Variants in XRCC2 observed in about 807,000 individuals in gnomAD.
The protein encoded by XRCC2 is DNA repair protein XRCC2.
Under a neutral mutation model 27.3 loss-of-function variants are expected in XRCC2, and 24 were observed. The observed-to-expected ratio is 0.88, with a 90% confidence interval of 0.64 to 1.24. The LOEUF (loss-of-function observed/expected upper bound fraction) is 1.24. XRCC2 is among the 50% of genes most tolerant of loss of function. XRCC2 has a pLI of 0.00. For missense variants in XRCC2, 321 were observed against 325.8 expected (o/e 0.99, Z 0.11); for synonymous variants, 106 against 115.4 (o/e 0.92, Z 0.52).
In XRCC2 at chr7:152,649,133, C is replaced by T. The variant is rs2098027421; in HGVS notation, c.352G>A (p.Val118Met). The T allele has an allele frequency of 1.2e-6, 2 of 1,612,786 alleles. No homozygotes were observed. The highest frequency in any genetic ancestry group is 1.7e-5 in the Admixed American group (1 of 59,746). Residue 118 changes from valine to methionine, a missense_variant, in exon 3 of 3, where the codon GTG (valine) becomes ATG (methionine). By Grantham distance (21) the Val-to-Met change is conservative (BLOSUM62 1). Coordinates refer to ENST00000359321, the MANE Select transcript of XRCC2 (RefSeq NM_005431.2). Reference sequence around the variant, plus strand: ...AAGTGGGTGCTACTACTGCAGTACACCAAAAAAAATCTTCCCAGGCAGTAT... The same window carrying T: ...AAGTGGGTGCTACTACTGCAGTACATCAAAAAAAATCTTCCCAGGCAGTAT... ...IKYCLGRFFLVYCSSSTHLLL... is the reference protein window; with the variant it reads ...IKYCLGRFFLMYCSSSTHLLL...
intron 1 of XRCC2, 107 bp from the exon 2 acceptor site, chr7:152,660,889 C>G: frequency 1.0e-6 from 1 of 985,584 alleles, no homozygotes; most frequent in Non-Finnish European, 1.5e-6. Flanking sequence ...TAACTTTAGG[C>G]TGGGTGCTGT....
chr7:152,662,795 G>T (rs1011665576), intron 1 of XRCC2, among the ~76,000 whole-genome samples: 1 of 150,908 alleles, frequency 6.6e-6, no homozygotes, highest in Non-Finnish European at 1.5e-5. Context: ...GGATGGTCTC[G>T]ATCTCCTGAC....
chr7:152,663,471 C>T (rs2098034243), intron 1 of XRCC2, among the ~76,000 whole-genome samples: 1 of 151,290 alleles, frequency 6.6e-6, no homozygotes, highest in Non-Finnish European at 1.5e-5. Flanking sequence ...TTTAACCTTG[C>T]CCAAAGGGAG....
At chr7:152,662,073 T>C (rs1281004084) in intron 1 of XRCC2, among the ~76,000 whole-genome samples, 2 of 152,164 alleles carry the variant, frequency 1.3e-5, no homozygotes, top group Non-Finnish European at 2.9e-5. Flanking sequence ...CAAGTGATTC[T>C]CCTGCCTCAG....
intron 1 of XRCC2, among the ~76,000 whole-genome samples, chr7:152,663,346 T>TAAAAAAAAAAAAAAAAAAAAAAAAAAAAA (rs530664762): frequency 9.9e-5 from 8 of 80,898 alleles, no homozygotes; most frequent in Non-Finnish European, 1.7e-4. Context: ...GTCTTTGAAG[T>TAAAAAAAAAAAAAAAAAAAAAAAAAAAAA]AAAAAAAAAA....
chr7:152,671,370 C>T (rs974983017), intron 1 of XRCC2, among the ~76,000 whole-genome samples: 1 of 152,134 alleles, frequency 6.6e-6, no homozygotes, highest in Admixed American at 6.6e-5. Context: ...CCCTCATATA[C>T]TTTAATATGT....
Position 152,668,965 on chromosome 7 carries a change from T to C in XRCC2, c.39+7076A>G, listed in dbSNP as rs1038374324. ...ACTAGTAAATGTCAGGGCCAGGATTTAATCAAGATCTCTGTGATTCTCAAA... is the reference window on the plus strand; with the variant it reads ...ACTAGTAAATGTCAGGGCCAGGATTCAATCAAGATCTCTGTGATTCTCAAA... On this transcript the variant is annotated intron_variant, in intron 1 of 2. Coordinates refer to ENST00000359321, the MANE Select transcript of XRCC2 (RefSeq NM_005431.2). Among the ~76,000 whole-genome samples the C allele has an allele frequency of 2.0e-5, 3 of 152,224 alleles. No homozygotes were observed. In the East Asian group the frequency reaches 5.8e-4, roughly 29 times the overall value.
At chr7:152,652,291 G>A (rs182179054) in intron 2 of XRCC2, among the ~76,000 whole-genome samples, 63 of 151,976 alleles carry the variant, frequency 4.1e-4, no homozygotes, top group Non-Finnish European at 7.4e-4. Context: ...CAGATGTTCA[G>A]TGTGCCCTCT....
In XRCC2 at chr7:152,648,662, T is replaced by C. The variant is rs1563025821; in HGVS notation, c.823A>G (p.Ser275Gly). 4 of 1,604,646 alleles carry C rather than the reference T, an allele frequency of 2.5e-6. No individual in the cohort carries two copies. The change falls in exon 3 of 3, where the codon AGT becomes GGT. Residue 275 changes from serine to glycine, a missense_variant. Transcript: ENST00000359321. The part of the protein sequence containing the change: ...LKKHFFIIGE[S>G]GVEFC ...GTATATCAACAAAATTCAACCCCAC[T>C]TTCTCCAATAATAAAAAAATGTTTT...
chr7:152,645,007 G>A lies in XRCC2; in HGVS notation c.*3635C>T, dbSNP rs1203287047. On this transcript the variant is annotated 3_prime_UTR_variant, in exon 3 of 3. Coordinates refer to ENST00000359321, the MANE Select transcript of XRCC2 (RefSeq NM_005431.2). Reference sequence around the variant, plus strand: ...CTGTTTAGAAATAACTCCAAGAATAGTTTTTATATTTTATTTTCACATTGA... The same window carrying A: ...CTGTTTAGAAATAACTCCAAGAATAATTTTTATATTTTATTTTCACATTGA... 1 of 152,152 alleles carries A rather than the reference G, an allele frequency of 6.6e-6. No homozygotes were observed. Among genetic ancestry groups the A allele is most frequent in the Non-Finnish European group, 1.5e-5 (1 of 68,032 alleles). The allele number at this position is 152,152 out of a possible 1,614,324, so 9.4% of individuals were successfully genotyped here.
At chr7:152,662,805 C>T (rs1287485683) in intron 1 of XRCC2, among the ~76,000 whole-genome samples, 1 of 151,194 alleles carries the variant, frequency 6.6e-6, no homozygotes, top group Non-Finnish European at 1.5e-5. Context: ...GATCTCCTGA[C>T]CTCGTGATCC....
chr7:152,668,360 T>C (rs1414311396), intron 1 of XRCC2, among the ~76,000 whole-genome samples: 1 of 152,102 alleles, frequency 6.6e-6, no homozygotes, highest in East Asian at 1.9e-4. Context: ...TCAGCATCCA[T>C]TGGGGGTCTT....
At chr7:152,658,434 G>A (rs900222904) in intron 2 of XRCC2, among the ~76,000 whole-genome samples, 2 of 152,196 alleles carry the variant, frequency 1.3e-5, no homozygotes, top group Non-Finnish European at 2.9e-5. Context: ...TTACAGGTGT[G>A]AGCCACCGTG....
intron 1 of XRCC2, among the ~76,000 whole-genome samples, chr7:152,663,562 G>A (rs1159900533): frequency 1.3e-5 from 2 of 152,108 alleles, no homozygotes; most frequent in Non-Finnish European, 2.9e-5. Flanking sequence ...CTTTGGGCCG[G>A]GCACAGTGGC....
chr7:152,659,467 G>A (rs555329204), intron 2 of XRCC2, among the ~76,000 whole-genome samples: 2 of 152,168 alleles, frequency 1.3e-5, no homozygotes, highest in African/African-American at 4.8e-5. Context: ...CACTGCGCTC[G>A]GCTATAACCT....
In XRCC2 at chr7:152,660,709, G is replaced by A; in HGVS notation, c.113C>T (p.Pro38Leu). Reference protein sequence around the residue: ...EPNLFADEDSPVHGDILEFHG... With the variant: ...EPNLFADEDSLVHGDILEFHG... ...AAGGTTGTATTTTTTACCATGCACAGGTGAATCTTCATCAGCAAACAGATT... is the reference window on the plus strand; with the variant it reads ...AAGGTTGTATTTTTTACCATGCACAAGTGAATCTTCATCAGCAAACAGATT... Residue 38 changes from proline (P) to leucine (L), a missense_variant, in exon 2 of 3, where the codon CCT becomes CTT. Coordinates refer to ENST00000359321, the MANE Select transcript of XRCC2 (RefSeq NM_005431.2). 2 of 1,612,600 alleles carry A rather than the reference G, an allele frequency of 1.2e-6. No individual in the cohort carries two copies. Among genetic ancestry groups the A allele is most frequent in the Admixed American group, 1.7e-5 (1 of 59,814 alleles).
chr7:152,651,982 A>G (rs2098028713), intron 2 of XRCC2, among the ~76,000 whole-genome samples: 1 of 151,882 alleles, frequency 6.6e-6, no homozygotes, highest in Non-Finnish European at 1.5e-5. Context: ...CCTGGGCAAC[A>G]TAGGGAGACC....
chr7:152,654,435 C>A (rs2098029894), intron 2 of XRCC2, among the ~76,000 whole-genome samples: 1 of 152,008 alleles, frequency 6.6e-6, no homozygotes, highest in Non-Finnish European at 1.5e-5. Flanking sequence ...AAAAACATTA[C>A]AGGGCAAAAG....
At chr7:152,667,361 C>T (rs1590137036) in intron 1 of XRCC2, among the ~76,000 whole-genome samples, 3 of 136,436 alleles carry the variant, frequency 2.2e-5, no homozygotes, top group East Asian at 2.2e-4. Flanking sequence ...GCCGAGATTA[C>T]GCCATTGCAC....
Sources: allele counts gnomAD v4.1 joint callset (sites outside exome capture counted in the v4.1 genomes callset), GRCh38; gene constraint gnomAD v4.1.1; transcripts MANE v1.5; gene names NCBI Gene and HGNC (gene_info 2026-07-23, HGNC 2026-07-21).